Variants in BRCA1 observed in about 807,000 individuals in gnomAD.
BRCA1 encodes the protein BRCA1 DNA repair associated, also known as breast cancer type 1 susceptibility protein.
In BRCA1, 140 loss-of-function variants were observed where a neutral mutation model predicts 173.7. The observed-to-expected ratio is 0.81, with a 90% CI of 0.70 to 0.93. BRCA1 has a LOEUF of 0.93. BRCA1 is among the 40% of genes least tolerant of loss of function. BRCA1 has a pLI of 0.00. For synonymous variants in BRCA1, 662 were observed against 756.0 expected (o/e 0.88, Z 2.04); for missense variants, 1,983 against 2,172.5 (o/e 0.91, Z 1.73).
At chr17:43,077,335 C>CTT (rs68171917) in intron 12 of BRCA1, among the ~76,000 whole-genome samples, 70 of 145,708 alleles carry the variant, frequency 4.8e-4, no homozygotes, top group South Asian at 2.6e-3. Context: ...CATGTTAGTT[C>CTT]TTTTTTTTTT....
intron 7 of BRCA1, among the ~76,000 whole-genome samples, chr17:43,098,279 CA>C (rs2054222902): frequency 6.6e-6 from 1 of 152,002 alleles, no homozygotes; most frequent in African/African-American, 2.4e-5. Context: ...AATCCTCTGC[CA>C]CTGCTGAGAT....
intron 8 of BRCA1, among the ~76,000 whole-genome samples, chr17:43,097,023 A>G (rs761696956): frequency 6.6e-6 from 1 of 152,224 alleles, no homozygotes; most frequent in Non-Finnish European, 1.5e-5. Context: ...TTCAGAAAGA[A>G]AGCAAACAAA....
At position 43,152,858 on chromosome 17, in the gene BRCA1, G is replaced by A. The variant is rs139657019; in HGVS notation, c.-20+17268C>T. 6.2e-3 allele frequency among the ~76,000 whole-genome samples: 939 copies of A among 151,204 alleles called. 14 individuals carry two copies. The highest frequency in any genetic ancestry group is 0.022 in the African/African-American group (893 of 40,978). On this transcript the variant is annotated intron_variant, in intron 1 of 7. Transcript: ENST00000634433. ...AGCCTGGGTGACAGAGCAAGACTCC[G>A]TCTCAAAAATAAAAAAATAAAAAAA...
At chr17:43,086,385 A>G (rs2053231925) in intron 11 of BRCA1, among the ~76,000 whole-genome samples, 1 of 152,192 alleles carries the variant, frequency 6.6e-6, no homozygotes, top group African/African-American at 2.4e-5. Flanking sequence ...GTAAAAACAA[A>G]CAAAAACCCA....
intron 6 of BRCA1, among the ~76,000 whole-genome samples, chr17:43,100,980 CT>C (rs1385225773): frequency 6.6e-6 from 1 of 151,566 alleles, no homozygotes; most frequent in African/African-American, 2.4e-5. Context: ...ATCTGCCTGC[CT>C]CGGCCTCCCA....
intron 2 of BRCA1, among the ~76,000 whole-genome samples, chr17:43,121,448 G>A (rs569749280): frequency 2.0e-5 from 3 of 152,056 alleles, no homozygotes; most frequent in East Asian, 3.9e-4. Context: ...ACTTTCGGAG[G>A]CCAAGGCAGG....
chr17:43,074,358 T>C lies in BRCA1; in HGVS notation c.4648A>G (p.Thr1550Ala), dbSNP rs1193177255. ...AGATCTTGCCTTGGCAAGTAAGATGTTTCCGTCAAATCGTGTGGCCCAGAC... is the reference window on the plus strand; with the variant it reads ...AGATCTTGCCTTGGCAAGTAAGATGCTTCCGTCAAATCGTGTGGCCCAGAC... ...EESGPHDLTE[T>A]SYLPRQDLEG... The change falls in exon 14 of 23, where the codon ACA (threonine) becomes GCA (alanine). Residue 1550 changes from threonine to alanine, a missense_variant. By Grantham distance (58) the Thr-to-Ala change is moderately conservative. Coordinates refer to ENST00000357654, the MANE Select transcript of BRCA1 (RefSeq NM_007294.4). The C allele has an allele frequency of 6.2e-7, 1 of 1,614,062 alleles. No homozygotes were observed. Among genetic ancestry groups the C allele is most frequent in the South Asian group, 1.1e-5 (1 of 91,074 alleles).
At chr17:43,071,265 T>A in intron 14 of BRCA1, 27 bp from the exon 15 acceptor site, 1 of 1,604,838 alleles carries the variant, frequency 6.2e-7, no homozygotes, top group East Asian at 2.2e-5. Flanking sequence ...AAGTTTAATT[T>A]ACACAACGAT....
rs1064797221 is a variant in BRCA1 at position 43,104,914 on chromosome 17, CTCT to C, written c.252_254del (p.Glu85del). On this transcript the variant is annotated inframe_deletion, in exon 5 of 23. Coordinates refer to ENST00000357654, the MANE Select transcript of BRCA1 (RefSeq NM_007294.4). ...GAAAAGCACAAATGATTTTCAATAG[CTCT>C]TCAACAAGTTGACTAAATCTCGTAC... The C allele has an allele frequency of 6.2e-7, 1 of 1,613,974 alleles. No individual in the cohort carries two copies. Among genetic ancestry groups the C allele is most frequent in the Non-Finnish European group, 8.5e-7 (1 of 1,179,992 alleles).
At chr17:43,063,831 TGAGGTGTTAAAGG>T in intron 17 of BRCA1, 30 bp downstream of exon 17, 4 of 1,526,762 alleles carry the variant, frequency 2.6e-6, no homozygotes, top group Non-Finnish European at 3.6e-6. Flanking sequence ...AATGCAATTC[TGAGGTGTTAAAGG>T]GAGGAGGGGA....
rs1292180290 is a variant in BRCA1 at position 43,049,504 on chromosome 17, TGCTG to T, written c.5333-314_5333-311del. 3.3e-5 allele frequency among the ~76,000 whole-genome samples: 5 copies of T among 152,192 alleles called. No individual in the cohort carries two copies. The highest frequency in any genetic ancestry group is 7.3e-5 in the Non-Finnish European group (5 of 68,038). On this transcript the variant is annotated intron_variant, in intron 20 of 22. Coordinates refer to ENST00000357654, the MANE Select transcript of BRCA1 (RefSeq NM_007294.4). ...TCTAATTTCCATTAATTTGCTAAAT[TGCTG>T]GCTAAGACACTGTGTGAAAAAACAC...
chr17:43,055,402 C>A (rs2051417611), intron 19 of BRCA1, among the ~76,000 whole-genome samples: 1 of 152,156 alleles, frequency 6.6e-6, no homozygotes, highest in Non-Finnish European at 1.5e-5. Context: ...AATCCCAGCA[C>A]TTTGGGAAGC....
intron 1 of BRCA1, 107 bp downstream of exon 1, chr17:43,125,164 C>T (rs1327901298): frequency 2.2e-6 from 1 of 455,058 alleles, no homozygotes; most frequent in African/African-American, 2.0e-5. Flanking sequence ...TCCGCCCCTA[C>T]CCCCCGTCAA....
Position 43,093,686 on chromosome 17 carries a change from A to C in BRCA1, c.1845T>G (p.Ser615=), listed in dbSNP as rs1349314670. The C allele has an allele frequency of 6.2e-7, 1 of 1,613,714 alleles. No individual in the cohort carries two copies. The highest frequency in any genetic ancestry group is 1.7e-5 in the Admixed American group (1 of 59,994). Reference sequence around the variant, plus strand: ...CAAGCGCATGAATATGCCTGGTAGAAGACTTCCTCCTCAGCCTATTCTTTT... The same window carrying C: ...CAAGCGCATGAATATGCCTGGTAGACGACTTCCTCCTCAGCCTATTCTTTT... ...APKKNRLRRK[S]STRHIHALEL... is the part of the protein sequence containing the mutation. The change falls in exon 10 of 23, where the codon TCT becomes TCG. Residue 615 remains serine (S), a synonymous_variant. Transcript: ENST00000357654.
intron 1 of BRCA1, among the ~76,000 whole-genome samples, chr17:43,154,890 A>AC (rs2056187156): frequency 6.6e-6 from 1 of 151,918 alleles, no homozygotes; most frequent in Non-Finnish European, 1.5e-5. Context: ...ACATGGGGGG[A>AC]GTCAGGAAAG....
At chr17:43,104,003 G>A (rs983499935) in intron 6 of BRCA1, 119 bp downstream of exon 6, 8 of 1,292,280 alleles carry the variant, frequency 6.2e-6, no homozygotes, top group Non-Finnish European at 8.6e-6. Flanking sequence ...GCTACTAAGG[G>A]GGCTAAGGCA....
chr17:43,099,747 A>C, intron 7 of BRCA1, 28 bp downstream of exon 7: 1 of 1,534,560 alleles, frequency 6.5e-7, no homozygotes, highest in Non-Finnish European at 9.0e-7. Context: ...AATTATTATT[A>C]AATACTTAAA....
rs80357579 is a variant in BRCA1 at position 43,091,759 on chromosome 17, CCT to C, written c.3770_3771del (p.Glu1257GlyfsTer9). Reference protein sequence around the residue: ...VATECLSKNTEENLLSLKNSL... With the variant: ...VATECLSKNTXENLLSLKNSL... ...CTATTCTTCAATGATAATAAATTCT[CCT>C]CTGTGTTCTTAGACAGACACTCGGT... On this transcript the variant is annotated frameshift_variant, in exon 10 of 23. Coordinates refer to ENST00000357654, the MANE Select transcript of BRCA1 (RefSeq NM_007294.4). LOFTEE classifies it high-confidence loss of function. 7 of 1,614,042 alleles carry C rather than the reference CCT, an allele frequency of 4.3e-6. No individual in the cohort carries two copies. The highest frequency in any genetic ancestry group is 2.2e-5 in the East Asian group (1 of 44,894).
rs75129942 is a variant in BRCA1, at chr17:43,110,532, G to A, written c.135-3999C>T. On this transcript the variant is annotated intron_variant, in intron 3 of 22. Transcript: ENST00000357654. ...GCCTAGGAGGTCAAGGCAACAGTAA[G>A]CCTCATGATCGCACCACTGTACTCC... 0.02 allele frequency: 8,645 copies of A among 441,038 alleles called. 148 individuals carry two copies. The highest frequency in any genetic ancestry group is 0.027 in the Non-Finnish European group (5,846 of 219,894). The allele number at this position is 441,038 out of a possible 1,614,324, so 27.3% of individuals were successfully genotyped here.
Sources: allele counts gnomAD v4.1 joint callset (sites outside exome capture counted in the v4.1 genomes callset), GRCh38; gene constraint gnomAD v4.1.1; transcripts MANE v1.5; gene names NCBI Gene and HGNC (gene_info 2026-07-23, HGNC 2026-07-21).